ABCB7: variants seen among roughly 807,000 people sequenced by gnomAD.
ABCB7 encodes the protein ATP binding cassette subfamily B member 7.
In ABCB7, 7 loss-of-function variants were observed where a neutral mutation model predicts 54.4. The ratio of observed to expected loss-of-function variants is 0.13; its 90% CI spans 0.07 to 0.24. The LOEUF (loss-of-function observed/expected upper bound fraction) is 0.24, where lower values mean the gene tolerates loss of function less well. Ranked by LOEUF, ABCB7 falls within the 10% of genes least tolerant of loss-of-function variation. The pLI, the probability that ABCB7 is intolerant of heterozygous loss-of-function variation, is 1.00. For synonymous variants in ABCB7, 218 were observed against 207.1 expected (o/e 1.05, Z -0.45); for missense variants, 356 against 570.4 (o/e 0.62, Z 3.83).
intron 1 of ABCB7, among the ~76,000 whole-genome samples, chrX:75,134,678 A>G (rs1010306329): frequency 7.1e-5 from 8 of 112,152 alleles, no homozygotes; most frequent in African/African-American, 1.9e-4. Context: ...AAAATCACTC[A>G]ATACTATAAA....
At chrX:75,091,601 G>A (rs1391238356) in intron 4 of ABCB7, among the ~76,000 whole-genome samples, 2 of 110,178 alleles carry the variant, frequency 1.8e-5, no homozygotes, top group African/African-American at 6.6e-5. Context: ...AGGAAATAAA[G>A]GTATTCATTC....
At chrX:75,071,421 A>C in intron 9 of ABCB7, 88 bp downstream of exon 9, 1 of 1,038,963 alleles carries the variant, frequency 9.6e-7, no homozygotes, top group East Asian at 3.0e-5. Context: ...CATCCTTTAT[A>C]ATTAAGATAA....
chrX:75,053,292 ATTTT>A lies in ABCB7; in HGVS notation c.*74_*77del. 2.2e-5 allele frequency: 25 copies of A among 1,140,322 alleles called. No homozygotes were observed. The South Asian group carries it at 4.6e-4, about 21-fold the overall frequency. 94.0% of individuals were successfully genotyped at this position (1,140,322 alleles called of 1,213,427 possible). On this transcript the variant is annotated 3_prime_UTR_variant, in exon 16 of 16. Coordinates refer to ENST00000373394, the MANE Select transcript of ABCB7 (RefSeq NM_001271696.3). ...GGATTATAGAAAATGGGAATGTATG[ATTTT>A]TTTAATAAAACAATTCTGCTTCAGT... is the stretch of plus-strand genomic sequence containing the variant.
intron 1 of ABCB7, among the ~76,000 whole-genome samples, chrX:75,155,468 T>A (rs1488049798): frequency 1.8e-5 from 2 of 112,352 alleles, no homozygotes; most frequent in Admixed American, 1.9e-4. Flanking sequence ...GCTACATTCA[T>A]AAGTTAAGGA....
In ABCB7 at chrX:75,098,966, C is replaced by T. The variant is rs768719923; in HGVS notation, c.429G>A (p.Ser143=). The T allele has an allele frequency of 4.3e-5, 52 of 1,209,656 alleles. No individual in the cohort carries two copies. Among genetic ancestry groups the T allele is most frequent in the Non-Finnish European group, 5.0e-5 (45 of 895,011 alleles). The change falls in exon 4 of 16, where the codon TCG becomes TCA. Residue 143 remains serine, a synonymous_variant. Coordinates refer to ENST00000373394, the MANE Select transcript of ABCB7 (RefSeq NM_001271696.3). The part of the protein sequence containing the change: ...RPDLRARVAI[S]LGFLGGAKAM... ...CCTTTGCACCACCCAAAAATCCCAG[C>T]GAAATGGCAACTCTAGCTCGTAGAT...
intron 1 of ABCB7, among the ~76,000 whole-genome samples, chrX:75,136,749 T>C (rs1373923181): frequency 8.9e-6 from 1 of 112,276 alleles, no homozygotes; most frequent in African/African-American, 3.2e-5. Flanking sequence ...AACAGCCATC[T>C]GATGTTCAAC....
At chrX:75,123,836 A>G (rs1009852576) in intron 1 of ABCB7, among the ~76,000 whole-genome samples, 1 of 111,567 alleles carries the variant, frequency 9.0e-6, no homozygotes, top group African/African-American at 3.3e-5. Context: ...GTTTACAGGC[A>G]TATCGTTTCT....
At chrX:75,131,307 T>C (rs1267238130) in intron 1 of ABCB7, among the ~76,000 whole-genome samples, 3 of 109,782 alleles carry the variant, frequency 2.7e-5, no homozygotes, top group Admixed American at 9.9e-5. Flanking sequence ...CTTAATTGTG[T>C]TTCAAACATG....
chrX:75,062,596 C>A lies in ABCB7; in HGVS notation c.1832-165G>T, dbSNP rs146618053. On this transcript the variant is annotated intron_variant, in intron 13 of 15. Coordinates refer to ENST00000373394, the MANE Select transcript of ABCB7 (RefSeq NM_001271696.3). ...TAGAGTTGAAGTTCATATACAATAT[C>A]TTTTGACAAATTATATTCCCTGAAA... is the stretch of plus-strand genomic sequence containing the variant. The A allele has an allele frequency of 2.4e-3, 1,082 of 458,245 alleles. 4 individuals carry two copies. The highest frequency in any genetic ancestry group is 4.9e-3 in the Middle Eastern group (8 of 1,641). 37.8% of individuals were successfully genotyped at this position (458,245 alleles called of 1,213,427 possible).
chrX:75,053,883 G>A (rs551570661), intron 15 of ABCB7, among the ~76,000 whole-genome samples: 6 of 111,936 alleles, frequency 5.4e-5, no homozygotes, highest in Middle Eastern at 4.6e-3. Flanking sequence ...AGGGAAGAAA[G>A]GGAAGGTTAA....
Position 75,062,349 on chromosome X carries a change from C to T in ABCB7, c.1914G>A (p.Ser638=), listed in dbSNP as rs371978286. The part of the protein sequence containing the change: ...PVILYDEATS[S]LDSITEETIL... Reference sequence around the variant, plus strand: ...TTACCTCTTCAGTAATCGAATCTAACGATGAAGTAGCTTCATCATAGAGTA... The same window carrying T: ...TTACCTCTTCAGTAATCGAATCTAATGATGAAGTAGCTTCATCATAGAGTA... The change falls in exon 14 of 16, where the codon TCG becomes TCA. Residue 638 remains serine, a synonymous_variant. Coordinates refer to ENST00000373394, the MANE Select transcript of ABCB7 (RefSeq NM_001271696.3). 31 of 1,204,876 alleles carry T rather than the reference C, an allele frequency of 2.6e-5. 1 individual carries two copies. The highest frequency in any genetic ancestry group is 8.7e-5 in the African/African-American group (5 of 57,214).
At chrX:75,131,391 T>C in intron 1 of ABCB7, among the ~76,000 whole-genome samples, 1 of 111,114 alleles carries the variant, frequency 9.0e-6, no homozygotes, top group Admixed American at 9.7e-5. Context: ...TACTTATATG[T>C]GCATTTCCTG....
Position 75,143,167 on chromosome X carries a change from A to T in ABCB7, c.168+12938T>A, listed in dbSNP as rs72630733. ...AACTGAATGCTTTTAACAGCACCCAAATCACCTCTTGAATGCTTTGCTGCT... is the reference window on the plus strand; with the variant it reads ...AACTGAATGCTTTTAACAGCACCCATATCACCTCTTGAATGCTTTGCTGCT... On this transcript the variant is annotated intron_variant, in intron 1 of 15. Coordinates refer to ENST00000373394, the MANE Select transcript of ABCB7 (RefSeq NM_001271696.3). Among the ~76,000 whole-genome samples, 9,015 of 111,468 alleles carry T rather than the reference A, an allele frequency of 0.081. 1,250 individuals carry two copies. In the East Asian group the frequency reaches 0.89, roughly 11 times the overall value.
intron 1 of ABCB7, among the ~76,000 whole-genome samples, chrX:75,139,914 G>T (rs1216412260): frequency 9.0e-6 from 1 of 111,673 alleles, no homozygotes; most frequent in Non-Finnish European, 1.9e-5. Flanking sequence ...GGATTAGACT[G>T]TCACAATATC....
intron 1 of ABCB7, among the ~76,000 whole-genome samples, chrX:75,132,265 C>T (rs1253695505): frequency 8.9e-6 from 1 of 112,014 alleles, no homozygotes; most frequent in African/African-American, 3.2e-5. Context: ...TGCCACAGCT[C>T]TCCTATGAAG....
chrX:75,065,267 T>C (rs750002802), intron 12 of ABCB7, 26 bp from the exon 13 acceptor site: 1 of 1,069,948 alleles, frequency 9.3e-7, no homozygotes, highest in Non-Finnish European at 1.3e-6. Context: ...TGAATGAATA[T>C]ATATCTATAT....
At chrX:75,151,976 C>T (rs1393510947) in intron 1 of ABCB7, among the ~76,000 whole-genome samples, 2 of 111,635 alleles carry the variant, frequency 1.8e-5, no homozygotes, top group Non-Finnish European at 1.9e-5. Context: ...TCCTTCCAAG[C>T]TTACTGTGTG....
At chrX:75,114,675 A>G in intron 2 of ABCB7, 79 bp downstream of exon 2, 1 of 818,492 alleles carries the variant, frequency 1.2e-6, no homozygotes, top group Non-Finnish European at 1.8e-6. Context: ...GATGTAAAAT[A>G]TGTAGTATAA....
chrX:75,077,666 T>C (rs2081421458), intron 4 of ABCB7, among the ~76,000 whole-genome samples: 1 of 111,747 alleles, frequency 8.9e-6, no homozygotes, highest in Admixed American at 9.6e-5. Context: ...GTAACTCTTA[T>C]CAAGATTCCA....
Sources: allele counts gnomAD v4.1 joint callset (sites outside exome capture counted in the v4.1 genomes callset), GRCh38; gene constraint gnomAD v4.1.1; transcripts MANE v1.5; gene names NCBI Gene and HGNC (gene_info 2026-07-23, HGNC 2026-07-21).